KCNQ1: variants seen among roughly 807,000 people sequenced by gnomAD.
The protein encoded by KCNQ1 is potassium voltage-gated channel subfamily KQT member 1.
KCNQ1 carries 49 observed loss-of-function variants against 72.4 expected under a neutral mutation model. The ratio of observed to expected loss-of-function variants is 0.68; its 90% CI spans 0.54 to 0.86. The LOEUF (loss-of-function observed/expected upper bound fraction) is 0.86, where lower values mean the gene tolerates loss of function less well. Among genes scored for constraint, KCNQ1 ranks in the 40% least tolerant of loss-of-function variants. KCNQ1 has a pLI of 0.00. For synonymous variants in KCNQ1, 450 were observed against 412.6 expected, an observed-to-expected ratio of 1.09 and a Z score of -1.10; for missense variants, 790 against 945.1, an observed-to-expected ratio of 0.84 and a Z score of 2.15.
intron 12 of KCNQ1, 41 bp from the exon 13 acceptor site, chr11:2,775,919 G>T (rs1483134520): frequency 1.5e-5 from 23 of 1,541,378 alleles, no homozygotes; most frequent in Non-Finnish European, 1.9e-5. Context: ...CATGGCTGGG[G>T]CACAGGGAGG....
At chr11:2,553,718 A>AT (rs1215875205) in intron 2 of KCNQ1, among the ~76,000 whole-genome samples, 2 of 151,028 alleles carry the variant, frequency 1.3e-5, no homozygotes, top group African/African-American at 2.4e-5. Context: ...ACTTTTTTAA[A>AT]TTTTTTATTT....
In KCNQ1 at chr11:2,802,288, G is replaced by T. The variant is rs560818606; in HGVS notation, c.1794+24251G>T. On this transcript the variant is annotated intron_variant, in intron 15 of 15. Coordinates refer to ENST00000155840, the MANE Select transcript of KCNQ1 (RefSeq NM_000218.3). ...TGGCTTTGAGGGCAGCAGGACAGGG[G>T]TTTAGCCCTGGCTCCGGCCCTGTCG... Among the ~76,000 whole-genome samples the T allele has an allele frequency of 2.6e-5, 4 of 152,352 alleles. No individual in the cohort carries two copies. The East Asian group carries it at 7.7e-4, about 29-fold the overall frequency.
In KCNQ1 at chr11:2,646,309, T is replaced by C. The variant is rs1196646050; in HGVS notation, c.1394-15652T>C. On this transcript the variant is annotated intron_variant, in intron 10 of 15. Transcript: ENST00000155840. The stretch of plus-strand genomic sequence containing the variant: ...ATATTGCTATAGGTAAATATGATCA[T>C]TTTAACATTTTTCTTTCAATCCATG... The C allele has an allele frequency of 6.9e-4, 275 of 398,504 alleles. 1 individual carries two copies. Among genetic ancestry groups the C allele is most frequent in the Non-Finnish European group, 3.5e-5 (8 of 226,082 alleles). 24.7% of individuals were successfully genotyped at this position (398,504 alleles called of 1,614,324 possible).
chr11:2,747,364 G>A (rs1846157271), intron 11 of KCNQ1, among the ~76,000 whole-genome samples: 3 of 152,342 alleles, frequency 2.0e-5, no homozygotes, highest in South Asian at 4.1e-4. Context: ...CCTTTAGGGA[G>A]GGAGGGAGGG....
intron 2 of KCNQ1, among the ~76,000 whole-genome samples, chr11:2,545,609 T>C (rs1317705472): frequency 1.3e-5 from 2 of 152,162 alleles, no homozygotes; most frequent in Non-Finnish European, 2.9e-5. Flanking sequence ...ATTGAGGTGA[T>C]TGATAGGTGA....
intron 6 of KCNQ1, among the ~76,000 whole-genome samples, chr11:2,580,900 C>T (rs546460738): frequency 8.7e-4 from 132 of 152,322 alleles, no homozygotes; most frequent in Middle Eastern, 3.4e-3. Flanking sequence ...GCCAGGCAGA[C>T]GGTGCTGAGA....
chr11:2,561,160 G>A (rs1848159715), intron 2 of KCNQ1, among the ~76,000 whole-genome samples: 2 of 146,632 alleles, frequency 1.4e-5, no homozygotes, highest in South Asian at 2.2e-4. Flanking sequence ...CCGAGATTGC[G>A]CCACTGCACT....
chr11:2,835,421 ACACACACG>A (rs1848041387), intron 15 of KCNQ1, among the ~76,000 whole-genome samples: 1 of 149,756 alleles, frequency 6.7e-6, no homozygotes, highest in African/African-American at 2.4e-5. Flanking sequence ...ACACACACAC[ACACACACG>A]CACACATGCA....
intron 11 of KCNQ1, among the ~76,000 whole-genome samples, chr11:2,761,430 G>A (rs898839550): frequency 1.3e-5 from 2 of 152,150 alleles, no homozygotes; most frequent in African/African-American, 2.4e-5. Context: ...TTATAGGCAC[G>A]GGATGGGAGC....
chr11:2,739,667 C>T (rs75651956), intron 11 of KCNQ1, among the ~76,000 whole-genome samples: 2,215 of 152,360 alleles, frequency 0.015, 29 homozygotes, highest in Non-Finnish European at 0.022. Flanking sequence ...CTCCTATCCA[C>T]GGCACTGGGC....
chr11:2,448,100 G>A (rs140841238), intron 1 of KCNQ1, among the ~76,000 whole-genome samples: 2,438 of 152,346 alleles, frequency 0.016, 56 homozygotes, highest in African/African-American at 0.055. Context: ...AGGGGATGGG[G>A]GTCCATACAG....
intron 11 of KCNQ1, chr11:2,675,266 A>G: frequency 2.5e-6 from 1 of 398,650 alleles, no homozygotes; most frequent in Non-Finnish European, 4.4e-6. Flanking sequence ...AGAAGTGAAG[A>G]TAACTCACCT....
intron 11 of KCNQ1, among the ~76,000 whole-genome samples, chr11:2,731,343 G>A (rs1845855497): frequency 6.6e-6 from 1 of 152,252 alleles, no homozygotes; most frequent in African/African-American, 2.4e-5. Context: ...TCGTCCCACA[G>A]TCGGCATGCC....
chr11:2,588,453 G>A lies in KCNQ1; in HGVS notation c.1252-260G>A, dbSNP rs969523885. On this transcript the variant is annotated intron_variant, in intron 9 of 15. Transcript: ENST00000155840. The surrounding 1 kb of genome is among the most constrained non-coding windows in gnomAD (Gnocchi z 5.6). ...CACCTCCACTGGCACCATCTTGTAC[G>A]TTTATCTGCTTCCTGCTGTCCTGTT... is the stretch of plus-strand genomic sequence containing the variant. Among the ~76,000 whole-genome samples the A allele has an allele frequency of 9.2e-5, 14 of 152,144 alleles. No homozygotes were observed. Among genetic ancestry groups the A allele is most frequent in the African/African-American group, 3.4e-4 (14 of 41,430 alleles).
At position 2,526,337 on chromosome 11, in the gene KCNQ1, T is replaced by C. The variant is rs1847505401; in HGVS notation, c.387-1591T>C. Among the ~76,000 whole-genome samples the C allele has an allele frequency of 6.6e-6, 1 of 151,848 alleles. No homozygotes were observed. The highest frequency in any genetic ancestry group is 2.4e-5 in the African/African-American group (1 of 41,300). On this transcript the variant is annotated intron_variant, in intron 1 of 15. Transcript: ENST00000155840. This position sits in a 1 kb window ranked among gnomAD's most constrained non-coding sequence, Gnocchi z 6.1. ...CTGGGTTCGGCTCTGCAGGTAGAGC[T>C]GACCGGTGTGGCAGGGACAGGGTGT...
intron 11 of KCNQ1, chr11:2,699,378 C>G: frequency 2.5e-6 from 1 of 400,456 alleles, no homozygotes; most frequent in Non-Finnish European, 4.4e-6. Flanking sequence ...CAGGTCCGTG[C>G]TGACCGTGTT....
intron 1 of KCNQ1, among the ~76,000 whole-genome samples, chr11:2,459,594 C>T (rs1273775802): frequency 6.6e-6 from 1 of 152,152 alleles, no homozygotes; most frequent in Non-Finnish European, 1.5e-5. Flanking sequence ...TCTAAGCCAA[C>T]CGGGCAGGGA....
At chr11:2,480,016 C>G (rs1036972447) in intron 1 of KCNQ1, among the ~76,000 whole-genome samples, 8 of 152,312 alleles carry the variant, frequency 5.3e-5, no homozygotes, top group Admixed American at 3.3e-4. Context: ...CAAGAGTCAT[C>G]TTTAATCCAC....
intron 15 of KCNQ1, among the ~76,000 whole-genome samples, chr11:2,811,739 G>A (rs947879485): frequency 4.6e-5 from 7 of 152,214 alleles, no homozygotes; most frequent in East Asian, 1.9e-4. Context: ...CGTGGGAGAC[G>A]GTGCAGCAGT....
Sources: allele counts gnomAD v4.1 joint callset (sites outside exome capture counted in the v4.1 genomes callset), GRCh38; gene constraint gnomAD v4.1.1; non-coding constraint Gnocchi (gnomAD v3.1); transcripts MANE v1.5; gene names NCBI Gene and HGNC (gene_info 2026-07-23, HGNC 2026-07-21).